Variants in CCDC178 observed in about 807,000 individuals in gnomAD.
CCDC178 encodes the protein coiled-coil domain containing 178, also known as coiled-coil domain-containing protein 178.
CCDC178 carries 126 observed loss-of-function variants against 117.4 expected under a neutral mutation model. The observed-to-expected ratio is 1.07, with a 90% CI of 0.93 to 1.24. CCDC178 has a LOEUF of 1.24. CCDC178 is among the 50% of genes most tolerant of loss of function. The probability of loss-of-function intolerance (pLI) is 0.00; values close to 1 mark genes in which losing one functional copy is unlikely to be tolerated. For missense variants in CCDC178, 1,030 were observed against 986.9 expected, an observed-to-expected ratio of 1.04 and a Z score of -0.59; for synonymous variants, 283 against 313.4, an observed-to-expected ratio of 0.90 and a Z score of 1.02.
intron 22 of CCDC178, among the ~76,000 whole-genome samples, chr18:32,972,565 T>C (rs1207378326): frequency 1.3e-5 from 2 of 152,086 alleles, no homozygotes; most frequent in Admixed American, 6.6e-5. Flanking sequence ...AGAAAGTCAA[T>C]GGTAGCTTGA....
rs2054160085 is a variant in CCDC178, at chr18:32,938,104, A to C, written c.2524-13T>G. The C allele has an allele frequency of 6.3e-7, 1 of 1,589,250 alleles. No homozygotes were observed. Among genetic ancestry groups the C allele is most frequent in the Non-Finnish European group, 8.6e-7 (1 of 1,157,548 alleles). ...TTGAAGATTCCTCCTGTTCAGAAGC[A>C]AGAAACAAACAAAATCAATAAGTAC... is the stretch of plus-strand genomic sequence containing the variant. On this transcript the variant is annotated splice_polypyrimidine_tract_variant and intron_variant, in intron 22 of 22. Transcript: ENST00000383096.
intron 12 of CCDC178, among the ~76,000 whole-genome samples, chr18:33,292,438 C>A (rs1023092907): frequency 1.3e-5 from 2 of 151,958 alleles, no homozygotes; most frequent in African/African-American, 4.8e-5. Flanking sequence ...GGGGTAGGGA[C>A]ATAGAGAGAG....
chr18:32,976,754 G>A (rs1288996290), intron 21 of CCDC178, among the ~76,000 whole-genome samples: 1 of 151,966 alleles, frequency 6.6e-6, no homozygotes, highest in Non-Finnish European at 1.5e-5. Flanking sequence ...TGAAATGAGT[G>A]TGAAGGAAAT....
intron 21 of CCDC178, among the ~76,000 whole-genome samples, chr18:33,040,614 C>A (rs551279315): frequency 3.3e-5 from 5 of 151,806 alleles, no homozygotes; most frequent in Non-Finnish European, 2.9e-5. Context: ...ATTTTCTGGG[C>A]TAAAACTCCA....
chr18:33,129,638 T>G (rs951305829), intron 20 of CCDC178, among the ~76,000 whole-genome samples: 1 of 151,962 alleles, frequency 6.6e-6, no homozygotes. Flanking sequence ...CATATAATAA[T>G]GTTCCAGCAA....
chr18:32,987,654 T>C (rs1410243307), intron 21 of CCDC178, among the ~76,000 whole-genome samples: 3 of 152,198 alleles, frequency 2.0e-5, no homozygotes. Flanking sequence ...TAAAATCTTA[T>C]GAGATCATAA....
chr18:33,067,838 T>C (rs2057042878), intron 21 of CCDC178, among the ~76,000 whole-genome samples: 1 of 147,872 alleles, frequency 6.8e-6, no homozygotes, highest in Non-Finnish European at 1.5e-5. Context: ...GTCTCAAAAA[T>C]AAATAAATAA....
chr18:32,966,603 T>C (rs2054818980), intron 22 of CCDC178, among the ~76,000 whole-genome samples: 1 of 151,852 alleles, frequency 6.6e-6, no homozygotes, highest in South Asian at 2.1e-4. Context: ...CCAGCAACAA[T>C]TTTTCCTTTT....
At chr18:32,981,747 A>G (rs2144716593) in intron 21 of CCDC178, among the ~76,000 whole-genome samples, 1 of 152,298 alleles carries the variant, frequency 6.6e-6, no homozygotes, top group South Asian at 2.1e-4. Flanking sequence ...CCTATAATAA[A>G]CAAAATATCT....
At chr18:33,346,728 AT>A (rs2062899695) in intron 8 of CCDC178, among the ~76,000 whole-genome samples, 1 of 152,120 alleles carries the variant, frequency 6.6e-6, no homozygotes, top group Admixed American at 6.5e-5. Flanking sequence ...ATAGAGGTTT[AT>A]TTTAAAATCA....
chr18:33,364,693 G>A (rs2063175205), intron 6 of CCDC178, among the ~76,000 whole-genome samples: 1 of 150,530 alleles, frequency 6.6e-6, no homozygotes, highest in South Asian at 2.1e-4. Flanking sequence ...ATGTCCATAG[G>A]TGAGATAACA....
chr18:33,361,477 A>G (rs1289687948), intron 6 of CCDC178, among the ~76,000 whole-genome samples: 1 of 151,734 alleles, frequency 6.6e-6, no homozygotes, highest in African/African-American at 2.4e-5. Context: ...TCAAAGACAA[A>G]AATACAGAAA....
At chr18:33,333,040 T>G (rs1195751002) in intron 10 of CCDC178, 134 bp downstream of exon 10, 16 of 540,074 alleles carry the variant, frequency 3.0e-5, no homozygotes, top group Non-Finnish European at 4.9e-5. Flanking sequence ...GTTGGTAATG[T>G]GTAGAGATAA....
chr18:33,146,247 C>T (rs1039290124), intron 20 of CCDC178, among the ~76,000 whole-genome samples: 9 of 152,082 alleles, frequency 5.9e-5, no homozygotes, highest in Non-Finnish European at 1.0e-4. Flanking sequence ...CAAAGTATTA[C>T]AAGAAAGATG....
At chr18:33,136,567 A>G (rs1598919590) in intron 20 of CCDC178, among the ~76,000 whole-genome samples, 1 of 152,304 alleles carries the variant, frequency 6.6e-6, no homozygotes, top group South Asian at 2.1e-4. Flanking sequence ...GGACAGAAGA[A>G]TAATATATGT....
At chr18:33,222,619 C>G (rs913113774) in intron 18 of CCDC178, among the ~76,000 whole-genome samples, 2 of 152,012 alleles carry the variant, frequency 1.3e-5, no homozygotes, top group East Asian at 3.9e-4. Flanking sequence ...TCACCTCTGG[C>G]CTAGCCTCTT....
intron 21 of CCDC178, among the ~76,000 whole-genome samples, chr18:32,991,706 C>T (rs1231214489): frequency 1.3e-5 from 2 of 152,180 alleles, no homozygotes; most frequent in East Asian, 3.9e-4. Flanking sequence ...TTCCTTCAGG[C>T]TTATGCAGAG....
At chr18:33,012,312 G>C (rs1444181737) in intron 21 of CCDC178, among the ~76,000 whole-genome samples, 1 of 152,152 alleles carries the variant, frequency 6.6e-6, no homozygotes, top group Non-Finnish European at 1.5e-5. Context: ...ATTATTTCAA[G>C]GGTGATATTC....
chr18:33,312,392 G>T (rs2062355347), intron 11 of CCDC178, among the ~76,000 whole-genome samples: 1 of 152,184 alleles, frequency 6.6e-6, no homozygotes, highest in Non-Finnish European at 1.5e-5. Flanking sequence ...CAAGGGACCT[G>T]GGGGATCTGA....
Sources: gnomAD v4.1 joint callset for allele counts (sites outside exome capture counted in the v4.1 genomes callset) on GRCh38, gnomAD v4.1.1 for gene constraint, MANE v1.5 for transcripts, NCBI Gene and HGNC (gene_info 2026-07-23, HGNC 2026-07-21) for gene names.